Variants in RACGAP1 observed in about 807,000 individuals in gnomAD.
RACGAP1 encodes the protein rac GTPase-activating protein 1.
RACGAP1 carries 30 observed loss-of-function variants against 78.1 expected under a neutral mutation model. The observed-to-expected ratio is 0.38, with a 90% CI of 0.29 to 0.52. The LOEUF (loss-of-function observed/expected upper bound fraction) is 0.52, where lower values mean the gene tolerates loss of function less well. RACGAP1 is among the 20% of genes least tolerant of loss of function. The probability of loss-of-function intolerance (pLI) is 0.82; values close to 1 mark genes in which losing one functional copy is unlikely to be tolerated. For synonymous variants in RACGAP1, 231 were observed against 264.8 expected, an observed-to-expected ratio of 0.87 and a Z score of 1.24; for missense variants, 587 against 777.1, an observed-to-expected ratio of 0.76 and a Z score of 2.91.
intron 10 of RACGAP1, 80 bp from the exon 11 acceptor site, chr12:49,994,589 C>T: frequency 1.3e-6 from 2 of 1,521,070 alleles, no homozygotes; most frequent in Non-Finnish European, 8.8e-7. Context: ...AGAACCACCT[C>T]CAATCTTATT....
chr12:50,016,132 A>C (rs941610773), intron 2 of RACGAP1, among the ~76,000 whole-genome samples: 24 of 152,348 alleles, frequency 1.6e-4, no homozygotes, highest in Middle Eastern at 3.4e-3. Context: ...CTGTAATCCC[A>C]GCACTTTGGG....
intron 9 of RACGAP1, among the ~76,000 whole-genome samples, chr12:49,998,024 A>C (rs1948423503): frequency 6.6e-6 from 1 of 152,260 alleles, no homozygotes; most frequent in African/African-American, 2.4e-5. Flanking sequence ...AGAAGCAAAG[A>C]GAGTTTAAGT....
Position 49,994,418 on chromosome 12 carries a change from G to T in RACGAP1, c.1136C>A (p.Thr379Asn). 1 of 1,613,926 alleles carries T rather than the reference G, an allele frequency of 6.2e-7. No homozygotes were observed. Among genetic ancestry groups the T allele is most frequent in the Non-Finnish European group, 8.5e-7 (1 of 1,179,978 alleles). ...TCTCCTACAGTTGACTCTTACCTCA[G>T]TCAGACCTCTTTGCTCAATCTCATT... ...CVNEIEQRGL[T>N]ETGLYRISGC... The change falls in exon 11 of 17, where the codon ACT (threonine) becomes AAT (asparagine). Residue 379 changes from threonine (T) to asparagine (N), a missense_variant. Thr to Asn is a moderately conservative substitution (Grantham distance 65). Transcript: ENST00000312377.
chr12:49,991,454 C>CCAT (rs1431955963), intron 15 of RACGAP1, among the ~76,000 whole-genome samples: 4 of 43,960 alleles, frequency 9.1e-5, no homozygotes, highest in Admixed American at 3.4e-4. Context: ...TATATTTAAA[C>CCAT]TATTATATAT....
In RACGAP1 at chr12:49,997,983, T is replaced by G. The variant is rs545495586; in HGVS notation, c.880-779A>C. The stretch of plus-strand genomic sequence containing the variant: ...TCTCACAGTAATCCCATAAAATAGG[T>G]TTTGTTTTCTTCATTTTAAGATGAG... On this transcript the variant is annotated intron_variant, in intron 9 of 16. Transcript: ENST00000312377. 4.1e-4 allele frequency among the ~76,000 whole-genome samples: 62 copies of G among 152,370 alleles called. 1 individual carries two copies. The South Asian group carries it at 0.012, about 31-fold the overall frequency.
intron 4 of RACGAP1, among the ~76,000 whole-genome samples, 174 bp downstream of exon 4, chr12:50,005,082 A>AAATAT (rs1430377878): frequency 2.6e-5 from 4 of 152,362 alleles, no homozygotes; most frequent in Admixed American, 6.5e-5. Context: ...AAATAAAATA[A>AAATAT]AATATACAGG....
chr12:50,023,158 C>T (rs1458438705), intron 1 of RACGAP1, among the ~76,000 whole-genome samples: 1 of 152,114 alleles, frequency 6.6e-6, no homozygotes, highest in Non-Finnish European at 1.5e-5. Flanking sequence ...ATTGAGCATT[C>T]CTATGGACAA....
In RACGAP1 at chr12:49,992,086, G is replaced by C; in HGVS notation, c.1626C>G (p.Phe542Leu). The C allele has an allele frequency of 6.2e-7, 1 of 1,614,104 alleles. No individual in the cohort carries two copies. The highest frequency in any genetic ancestry group is 8.5e-7 in the Non-Finnish European group (1 of 1,180,018). The change falls in exon 15 of 17, where the codon TTC becomes TTG. Residue 542 changes from phenylalanine to leucine, a missense_variant. Coordinates refer to ENST00000312377, the MANE Select transcript of RACGAP1 (RefSeq NM_001319999.2). ...CAATGTTCTCTTGCTCCACCATCATGAACTGACTCCAATACTCCAGAGGCA... is the reference window on the plus strand; with the variant it reads ...CAATGTTCTCTTGCTCCACCATCATCAACTGACTCCAATACTCCAGAGGCA... ...LSLPLEYWSQ[F>L]MMVEQENIDP...
At position 50,018,448 on chromosome 12, in the gene RACGAP1, C is replaced by T. The variant is rs892665773; in HGVS notation, c.-4-1729G>A. 11 of 960,648 alleles carry T rather than the reference C, an allele frequency of 1.1e-5. 1 individual carries two copies. The highest frequency in any genetic ancestry group is 2.5e-4 in the Middle Eastern group (1 of 3,998). 59.5% of individuals were successfully genotyped at this position (960,648 alleles called of 1,614,324 possible). A position where few individuals can be genotyped will look rare whatever the true frequency, so the allele number is the denominator to read the frequency against. On this transcript the variant is annotated intron_variant, in intron 1 of 16. Coordinates refer to ENST00000312377, the MANE Select transcript of RACGAP1 (RefSeq NM_001319999.2). ...AAAACTAAAAGGATAGCATTAAAAC[C>T]GGCAGGAAGAGCTGTGGAATTCATG... is the stretch of plus-strand genomic sequence containing the variant.
At chr12:50,022,985 A>G (rs932888046) in intron 1 of RACGAP1, among the ~76,000 whole-genome samples, 9 of 152,194 alleles carry the variant, frequency 5.9e-5, no homozygotes, top group Admixed American at 2.0e-4. Flanking sequence ...GTTCCAAAGC[A>G]CTTCTCTCCA....
In RACGAP1 at chr12:49,990,717, C is replaced by G; in HGVS notation, c.1790G>C (p.Arg597Thr). 1 of 1,613,974 alleles carries G rather than the reference C, an allele frequency of 6.2e-7. No homozygotes were observed. Among genetic ancestry groups the G allele is most frequent in the Non-Finnish European group, 8.5e-7 (1 of 1,179,906 alleles). The change falls in exon 16 of 17, where the codon AGA (arginine) becomes ACA (threonine). Residue 597 changes from arginine to threonine, a missense_variant. By Grantham distance (71) the Arg-to-Thr change is moderately conservative (BLOSUM62 -1). Transcript: ENST00000312377. ...KTPSSSSLSQ[R>T]VRSTLTKNTP... is the part of the protein sequence containing the mutation. ...GTTCTTGGTGAGGGTGGAACGGACT[C>G]TCTGTGACAGGGAACTAGATGAAGG... is the stretch of plus-strand genomic sequence containing the variant.
intron 1 of RACGAP1, among the ~76,000 whole-genome samples, chr12:50,032,549 G>GTGTGTGTGTGTGTC (rs1950344758): frequency 6.6e-6 from 1 of 151,996 alleles, no homozygotes; most frequent in East Asian, 1.9e-4. Flanking sequence ...GTGTGTGTGT[G>GTGTGTGTGTGTGTC]TGTGTGTGTG....
intron 3 of RACGAP1, 42 bp from the exon 4 acceptor site, chr12:50,005,434 G>A (rs766389822): frequency 1.2e-6 from 2 of 1,607,374 alleles, no homozygotes; most frequent in Non-Finnish European, 8.5e-7. Context: ...CTAGCCAGGG[G>A]AGAAAGCTTC....
intron 14 of RACGAP1, 52 bp from the exon 15 acceptor site, chr12:49,992,185 CTG>C: frequency 6.2e-7 from 1 of 1,612,534 alleles, no homozygotes; most frequent in Non-Finnish European, 8.5e-7. Flanking sequence ...GGCTTCTCAA[CTG>C]TCTTTCAAGT....
intron 2 of RACGAP1, among the ~76,000 whole-genome samples, chr12:50,009,839 C>G (rs964435150): frequency 6.6e-6 from 1 of 152,220 alleles, no homozygotes; most frequent in African/African-American, 2.4e-5. Context: ...AATGCCCTAC[C>G]TATTACATAC....
At chr12:50,002,127 G>A (rs1003529859) in intron 6 of RACGAP1, 120 bp downstream of exon 6, 4 of 619,682 alleles carry the variant, frequency 6.5e-6, no homozygotes, top group Non-Finnish European at 8.5e-6. Context: ...GAATTCATCT[G>A]TAGTATGTGC....
At chr12:50,020,868 AG>A (rs1179849448) in intron 1 of RACGAP1, among the ~76,000 whole-genome samples, 3 of 152,228 alleles carry the variant, frequency 2.0e-5, no homozygotes, top group African/African-American at 4.8e-5. Flanking sequence ...AGATTTACTT[AG>A]GGTAATCCAA....
upstream of RACGAP1, among the ~76,000 whole-genome samples, chr12:50,026,188 GGT>G (rs138268180): frequency 8.0e-3 from 1,213 of 152,180 alleles, 16 homozygotes; most frequent in African/African-American, 0.028. Flanking sequence ...GTTGCAACCG[GGT>G]AATGAAAACT....
At chr12:49,995,175 C>A (rs1432112675) in intron 10 of RACGAP1, among the ~76,000 whole-genome samples, 2 of 152,012 alleles carry the variant, frequency 1.3e-5, no homozygotes, top group Non-Finnish European at 1.5e-5. Context: ...ATGGAGAAAC[C>A]CTGTCTCTAC....
Sources: allele counts gnomAD v4.1 joint callset (sites outside exome capture counted in the v4.1 genomes callset), GRCh38; gene constraint gnomAD v4.1.1; transcripts MANE v1.5; gene names NCBI Gene and HGNC (gene_info 2026-07-23, HGNC 2026-07-21).